Variants in NXPE4 observed in about 807,000 individuals in gnomAD.
NXPE4 encodes neurexophilin and PC-esterase domain family member 4.
NXPE4 carries 42 observed loss-of-function variants against 33.3 expected under a neutral mutation model. The ratio of observed to expected loss-of-function variants is 1.26; its 90% CI spans 0.98 to 1.63. The LOEUF (loss-of-function observed/expected upper bound fraction) is 1.63, where lower values mean the gene tolerates loss of function less well. Ranked by LOEUF, NXPE4 falls within the 40% of genes most tolerant of loss-of-function variation. The pLI, the probability that NXPE4 is intolerant of heterozygous loss-of-function variation, is 0.00. For missense variants in NXPE4, 709 were observed against 647.6 expected (o/e 1.09, Z -1.03); for synonymous variants, 253 against 234.9 (o/e 1.08, Z -0.71).
At chr11:114,665,503 G>A in the NXPE4 span, among the ~76,000 whole-genome samples, 9 of 152,272 alleles carry the variant, frequency 5.9e-5, no homozygotes, top group African/African-American at 2.2e-4. Flanking sequence ...AGTTTGAAAA[G>A]CCTGAGGTTC....
chr11:114,587,335 G>A (rs1033358736), intron 2 of NXPE4, among the ~76,000 whole-genome samples: 3 of 152,122 alleles, frequency 2.0e-5, no homozygotes, highest in Admixed American at 6.5e-5. Context: ...ATTTAATTCC[G>A]GAAGTTAACC....
intron 4 of NXPE4, among the ~76,000 whole-genome samples, chr11:114,581,101 GCTTT>G (rs1001665995): frequency 4.6e-5 from 7 of 152,244 alleles, no homozygotes; most frequent in Admixed American, 2.0e-4. Flanking sequence ...GATTAGCAAG[GCTTT>G]CTTTCTTTTT....
At chr11:114,670,220 C>A in the NXPE4 span, among the ~76,000 whole-genome samples, 2 of 149,308 alleles carry the variant, frequency 1.3e-5, no homozygotes, top group Admixed American at 6.6e-5. Context: ...GGTATGATAA[C>A]AACAGATGGA....
the NXPE4 span, among the ~76,000 whole-genome samples, chr11:114,628,002 G>A: frequency 1.3e-5 from 2 of 151,738 alleles, no homozygotes; most frequent in African/African-American, 2.4e-5. Context: ...CAACACAGGA[G>A]CACCTAGATT....
At chr11:114,666,533 T>C in the NXPE4 span, among the ~76,000 whole-genome samples, 1 of 152,188 alleles carries the variant, frequency 6.6e-6, no homozygotes, top group Admixed American at 6.5e-5. Flanking sequence ...TCTCTTTTTT[T>C]CAGAAATGGT....
the NXPE4 span, among the ~76,000 whole-genome samples, chr11:114,626,684 T>A: frequency 1.9e-3 from 286 of 152,052 alleles, 2 homozygotes; most frequent in African/African-American, 5.5e-3. Flanking sequence ...ATGACTTTGA[T>A]GAGCTGAGAG....
chr11:114,611,414 A>G, the NXPE4 span, among the ~76,000 whole-genome samples: 1 of 151,254 alleles, frequency 6.6e-6, no homozygotes, highest in Non-Finnish European at 1.5e-5. Flanking sequence ...GTGGATAATA[A>G]GTATTGCCTC....
At chr11:114,638,763 T>C in the NXPE4 span, among the ~76,000 whole-genome samples, 422 of 152,042 alleles carry the variant, frequency 2.8e-3, 1 homozygote, top group Middle Eastern at 6.8e-3. Context: ...ACAGCAGCAG[T>C]GTCTGCAGAA....
At chr11:114,645,862 A>C in the NXPE4 span, among the ~76,000 whole-genome samples, 1 of 152,220 alleles carries the variant, frequency 6.6e-6, no homozygotes, top group Non-Finnish European at 1.5e-5. Flanking sequence ...TATAAAAATT[A>C]TAATTTGTTG....
chr11:114,593,072 A>G (rs1166599140), intron 2 of NXPE4, among the ~76,000 whole-genome samples: 1 of 152,146 alleles, frequency 6.6e-6, no homozygotes, highest in African/African-American at 2.4e-5. Context: ...GTATGAAAAT[A>G]CTAGAAGAAA....
chr11:114,622,665 G>A, the NXPE4 span, among the ~76,000 whole-genome samples: 252 of 151,562 alleles, frequency 1.7e-3, no homozygotes, highest in Non-Finnish European at 2.3e-3. Context: ...AGTGTTACCC[G>A]GTGGATAATA....
intron 3 of NXPE4, 128 bp downstream of exon 3, chr11:114,582,160 A>T (rs781296516): frequency 2.2e-4 from 215 of 973,066 alleles, no homozygotes; most frequent in Non-Finnish European, 3.0e-4. Context: ...GAATTCACAG[A>T]TCCTTTCCCC....
At chr11:114,634,462 G>A in the NXPE4 span, among the ~76,000 whole-genome samples, 48 of 152,042 alleles carry the variant, frequency 3.2e-4, no homozygotes, top group African/African-American at 1.1e-3. Flanking sequence ...CAGCTCTTTA[G>A]TTTAGTTAGA....
At chr11:114,626,346 C>A in the NXPE4 span, among the ~76,000 whole-genome samples, 13 of 152,004 alleles carry the variant, frequency 8.6e-5, no homozygotes, top group Non-Finnish European at 4.4e-5. Context: ...GGCAGACTGC[C>A]TCCTCAAGTG....
the NXPE4 span, among the ~76,000 whole-genome samples, chr11:114,658,727 C>A: frequency 3.3e-5 from 5 of 152,218 alleles, no homozygotes; most frequent in African/African-American, 1.2e-4. Context: ...GTCCTGGGCC[C>A]AGACCATTAG....
At chr11:114,619,060 C>G in the NXPE4 span, among the ~76,000 whole-genome samples, 1 of 151,966 alleles carries the variant, frequency 6.6e-6, no homozygotes, top group Admixed American at 6.6e-5. Flanking sequence ...CCACTGTTAC[C>G]TGGTGGATAA....
chr11:114,593,919 G>C (rs1273516638), intron 2 of NXPE4, among the ~76,000 whole-genome samples: 1 of 152,090 alleles, frequency 6.6e-6, no homozygotes, highest in Non-Finnish European at 1.5e-5. Context: ...AATAAGCTAG[G>C]CACAGAAGAC....
At chr11:114,585,682 A>T (rs2135252726) in intron 2 of NXPE4, among the ~76,000 whole-genome samples, 1 of 152,248 alleles carries the variant, frequency 6.6e-6, no homozygotes, top group Non-Finnish European at 1.5e-5. Context: ...AACTAGAAAG[A>T]AATTATTTAG....
the NXPE4 span, among the ~76,000 whole-genome samples, chr11:114,649,941 T>C: frequency 1.3e-5 from 2 of 152,192 alleles, no homozygotes; most frequent in African/African-American, 4.8e-5. Flanking sequence ...CAATTGTACA[T>C]TTGAAATGGA....
Sources: allele counts gnomAD v4.1 joint callset (sites outside exome capture counted in the v4.1 genomes callset), GRCh38; gene constraint gnomAD v4.1.1; transcripts MANE v1.5; gene names NCBI Gene and HGNC (gene_info 2026-07-23, HGNC 2026-07-21).